Variants in LINGO1 observed in about 807,000 individuals in gnomAD.
The protein encoded by LINGO1 is leucine-rich repeat and immunoglobulin-like domain-containing nogo receptor-interacting protein 1.
Under a neutral mutation model 37.3 loss-of-function variants are expected in LINGO1, and 11 were observed. That is an observed-to-expected ratio of 0.29 (90% CI 0.19 to 0.49). The LOEUF (loss-of-function observed/expected upper bound fraction) is 0.49. LINGO1 is among the 20% of genes least tolerant of loss of function. The pLI, the probability that LINGO1 is intolerant of heterozygous loss-of-function variation, is 0.99. For missense variants in LINGO1, 585 were observed against 878.2 expected (o/e 0.67, Z 4.22); for synonymous variants, 387 against 403.0 (o/e 0.96, Z 0.48).
At chr15:77,687,644 TG>T (rs1269089979) in intron 2 of LINGO1, among the ~76,000 whole-genome samples, 2 of 152,204 alleles carry the variant, frequency 1.3e-5, no homozygotes, top group Admixed American at 6.5e-5. Flanking sequence ...CCTTCTAGCG[TG>T]GATGCACTCC....
intron 2 of LINGO1, among the ~76,000 whole-genome samples, chr15:77,718,216 C>T (rs1332120814): frequency 6.6e-6 from 1 of 150,952 alleles, no homozygotes; most frequent in East Asian, 2.1e-4. Flanking sequence ...ACACGCAGAC[C>T]TACACAGGAA....
chr15:77,817,483 G>C (rs892947664), intron 1 of LINGO1, among the ~76,000 whole-genome samples: 1 of 152,192 alleles, frequency 6.6e-6, no homozygotes, highest in South Asian at 2.1e-4. Flanking sequence ...TGGGATGGTA[G>C]TGAACTCCCA....
At chr15:77,757,417 G>A (rs2076431319) in intron 1 of LINGO1, among the ~76,000 whole-genome samples, 1 of 152,184 alleles carries the variant, frequency 6.6e-6, no homozygotes, top group Non-Finnish European at 1.5e-5. Flanking sequence ...ATACTGAGGT[G>A]GCTGTGGGAA....
chr15:77,695,658 G>C (rs1159420414), intron 1 of LINGO1, among the ~76,000 whole-genome samples: 3 of 152,202 alleles, frequency 2.0e-5, no homozygotes, highest in African/African-American at 7.2e-5. Flanking sequence ...AGAGGGGCCA[G>C]CTCTGGCCCT....
At position 77,614,985 on chromosome 15, in the gene LINGO1, G is replaced by A; in HGVS notation, c.922C>T (p.His308Tyr). 4 of 1,614,026 alleles carry A rather than the reference G, an allele frequency of 2.5e-6. No homozygotes were observed. Among genetic ancestry groups the A allele is most frequent in the African/African-American group, 1.3e-5 (1 of 75,062 alleles). The stretch of plus-strand genomic sequence containing the variant: ...ATCTCCTGCAGCCGGAGCAGCTCAT[G>A]CAACATGGAGCCCTCAATGGTGCTG... ...PISTIEGSML[H>Y]ELLRLQEIQL... Residue 308 changes from histidine (H) to tyrosine (Y), a missense_variant, in exon 2 of 2, where the codon CAT becomes TAT. By Grantham distance (83) the His-to-Tyr change is moderately conservative. Coordinates refer to ENST00000355300, the MANE Select transcript of LINGO1 (RefSeq NM_032808.7).
intron 1 of LINGO1, among the ~76,000 whole-genome samples, chr15:77,771,472 A>T (rs543517798): frequency 1.6e-4 from 24 of 152,308 alleles, no homozygotes; most frequent in African/African-American, 5.8e-4. Flanking sequence ...GGTCAGGGCA[A>T]GAGTCTGCAA....
chr15:77,626,968 C>T (rs1210538637), intron 1 of LINGO1, among the ~76,000 whole-genome samples: 2 of 139,564 alleles, frequency 1.4e-5, no homozygotes, highest in African/African-American at 3.2e-5. Flanking sequence ...CCCCAACCCC[C>T]CATCCGCAGC....
intron 1 of LINGO1, among the ~76,000 whole-genome samples, chr15:77,736,398 C>T (rs1218090814): frequency 6.6e-6 from 1 of 152,182 alleles, no homozygotes. Context: ...GAGTGCTGTA[C>T]CTCTTAACTC....
At chr15:77,618,295 G>A (rs181664942) in intron 1 of LINGO1, among the ~76,000 whole-genome samples, 189 of 152,238 alleles carry the variant, frequency 1.2e-3, no homozygotes, top group African/African-American at 4.4e-3. Flanking sequence ...TTGCACCACC[G>A]GGCCTCAACC....
chr15:77,705,173 T>TCACACACACACACACACACACACACA (rs1187038083), intron 2 of LINGO1, among the ~76,000 whole-genome samples: 12 of 44,106 alleles, frequency 2.7e-4, no homozygotes, highest in Non-Finnish European at 5.8e-4. Context: ...CCCCCTGCCA[T>TCACACACACACACACACACACACACA]GACACACACA....
At chr15:77,742,632 TC>T (rs1261988463) in intron 1 of LINGO1, among the ~76,000 whole-genome samples, 1 of 152,214 alleles carries the variant, frequency 6.6e-6, no homozygotes, top group African/African-American at 2.4e-5. Context: ...AGAGCATCCC[TC>T]CCAGCTAACA....
intron 3 of LINGO1, among the ~76,000 whole-genome samples, chr15:77,661,784 CA>C (rs1472310813): frequency 6.6e-6 from 1 of 152,228 alleles, no homozygotes; most frequent in Non-Finnish European, 1.5e-5. Context: ...CAGCATGGCC[CA>C]CATCTCACAC....
chr15:77,764,800 C>A (rs923824178), intron 1 of LINGO1, among the ~76,000 whole-genome samples: 6 of 152,198 alleles, frequency 3.9e-5, no homozygotes, highest in African/African-American at 1.4e-4. Flanking sequence ...TACCACAGAG[C>A]AGTTCCACTC....
chr15:77,678,038 C>T (rs2075356912), intron 2 of LINGO1, among the ~76,000 whole-genome samples: 1 of 152,216 alleles, frequency 6.6e-6, no homozygotes, highest in South Asian at 2.1e-4. Flanking sequence ...GTGACCACCT[C>T]CTTCTCACAG....
At chr15:77,789,108 C>A (rs577879065), upstream of LINGO1, among the ~76,000 whole-genome samples, 1 of 103,078 alleles carries the variant, frequency 9.7e-6, no homozygotes, top group South Asian at 3.4e-4. Context: ...CAGTTCACTG[C>A]TGTGAAAATC....
chr15:77,704,925 T>C (rs985698294), intron 2 of LINGO1, among the ~76,000 whole-genome samples: 3 of 152,126 alleles, frequency 2.0e-5, no homozygotes, highest in African/African-American at 7.2e-5. Flanking sequence ...GCCCTGACAG[T>C]CACCAGCCAC....
intron 3 of LINGO1, among the ~76,000 whole-genome samples, chr15:77,672,965 T>C (rs1302023261): frequency 6.6e-6 from 1 of 152,138 alleles, no homozygotes; most frequent in Non-Finnish European, 1.5e-5. Flanking sequence ...TGGACAGACA[T>C]GAGACTTTGG....
At chr15:77,643,953 C>T (rs180886889) in intron 3 of LINGO1, among the ~76,000 whole-genome samples, 31 of 152,320 alleles carry the variant, frequency 2.0e-4, no homozygotes, top group Non-Finnish European at 2.8e-4. Flanking sequence ...CTCCCCGCTC[C>T]GCCCTCATTC....
intron 3 of LINGO1, among the ~76,000 whole-genome samples, chr15:77,669,422 C>T (rs1307575697): frequency 3.9e-5 from 6 of 152,224 alleles, no homozygotes; most frequent in Non-Finnish European, 7.3e-5. Flanking sequence ...ACCTCGCTAG[C>T]CCATCGAGGT....
Sources: gnomAD v4.1 joint callset for allele counts (sites outside exome capture counted in the v4.1 genomes callset) on GRCh38, gnomAD v4.1.1 for gene constraint, MANE v1.5 for transcripts, NCBI Gene and HGNC (gene_info 2026-07-23, HGNC 2026-07-21) for gene names.